LTBP1: variants seen among roughly 807,000 people sequenced by gnomAD.
LTBP1 encodes the protein latent transforming growth factor beta binding protein 1, also known as latent-transforming growth factor beta-binding protein 1.
Under a neutral mutation model 207.6 loss-of-function variants are expected in LTBP1, and 129 were observed. The ratio of observed to expected loss-of-function variants is 0.62; its 90% CI spans 0.54 to 0.72. The LOEUF (loss-of-function observed/expected upper bound fraction) is 0.72. Ranked by LOEUF, LTBP1 falls within the 30% of genes least tolerant of loss-of-function variation. The probability of loss-of-function intolerance (pLI) is 0.00; values close to 1 mark genes in which losing one functional copy is unlikely to be tolerated. For missense variants in LTBP1, 2,281 were observed against 2,217.2 expected (o/e 1.03, Z -0.58); for synonymous variants, 963 against 833.7 (o/e 1.16, Z -2.67).
At chr2:33,118,936 A>C (rs544873429) in intron 4 of LTBP1, among the ~76,000 whole-genome samples, 2 of 152,212 alleles carry the variant, frequency 1.3e-5, no homozygotes, top group African/African-American at 2.4e-5. Context: ...AAATATTTCC[A>C]AGAAACTTAC....
chr2:33,244,955 T>G (rs2092459692), intron 10 of LTBP1, among the ~76,000 whole-genome samples: 1 of 152,204 alleles, frequency 6.6e-6, no homozygotes, highest in Admixed American at 6.5e-5. Context: ...CTCCACTCAT[T>G]GCAACCTCTG....
Position 32,947,647 on chromosome 2 carries a change from C to A in LTBP1, c.323C>A (p.Pro108His). 1 of 1,398,966 alleles carries A rather than the reference C, an allele frequency of 7.1e-7. No homozygotes were observed. The highest frequency in any genetic ancestry group is 1.6e-5 in the South Asian group (1 of 62,774). The allele number at this position is 1,398,966 out of a possible 1,614,324, so 86.7% of individuals were successfully genotyped here. A position where few individuals can be genotyped will look rare whatever the true frequency, so the allele number is the denominator to read the frequency against. The change falls in exon 1 of 34, where the codon CCT becomes CAT. Residue 108 changes from proline to histidine, a missense_variant. Coordinates refer to ENST00000404816, the MANE Select transcript of LTBP1 (RefSeq NM_206943.4). ...CCGCCGCCGCCGCCGCCGCCGGAGCCTGCGCGTCCCGCGGTCCCCGGCGGG... is the reference window on the plus strand; with the variant it reads ...CCGCCGCCGCCGCCGCCGCCGGAGCATGCGCGTCCCGCGGTCCCCGGCGGG... ...LRPPPPPPPEPARPAVPGGQL... is the reference protein window; with the variant it reads ...LRPPPPPPPEHARPAVPGGQL...
rs2093398900 is a variant in LTBP1 at position 33,275,100 on chromosome 2, G to A, written c.2869+10G>A. On this transcript the variant is annotated intron_variant, in intron 17 of 33. Transcript: ENST00000404816. ...GGTACTAACTGCATAGGTAATGGCA[G>A]CATTCTTCCTGCTTACAAATTCTTA... 2.5e-6 allele frequency: 4 copies of A among 1,613,276 alleles called. No individual in the cohort carries two copies. The highest frequency in any genetic ancestry group is 1.7e-5 in the Admixed American group (1 of 59,978).
At chr2:33,304,853 G>T (rs1408636715) in intron 22 of LTBP1, among the ~76,000 whole-genome samples, 1 of 152,204 alleles carries the variant, frequency 6.6e-6, no homozygotes, top group Non-Finnish European at 1.5e-5. Flanking sequence ...AGGTGGGATA[G>T]TATTTCTTTC....
intron 3 of LTBP1, chr2:33,061,561 T>G (rs2077271674): frequency 6.6e-6 from 1 of 152,204 alleles, no homozygotes; most frequent in Non-Finnish European, 1.5e-5. Context: ...GATTATACAA[T>G]GTGTACCCTT....
intron 3 of LTBP1, among the ~76,000 whole-genome samples, chr2:33,055,563 A>G (rs576779508): frequency 6.6e-6 from 1 of 152,276 alleles, no homozygotes; most frequent in Admixed American, 6.5e-5. Flanking sequence ...CATTTACTTG[A>G]CTAAGATACC....
chr2:33,015,798 C>T (rs1382296347), intron 2 of LTBP1, among the ~76,000 whole-genome samples: 1 of 152,154 alleles, frequency 6.6e-6, no homozygotes, highest in Non-Finnish European at 1.5e-5. Flanking sequence ...CCAATCATGG[C>T]ATGAGGCAAA....
At chr2:33,161,358 C>T (rs2084454058) in intron 5 of LTBP1, among the ~76,000 whole-genome samples, 2 of 151,410 alleles carry the variant, frequency 1.3e-5, no homozygotes, top group South Asian at 4.2e-4. Flanking sequence ...ACCTCCACCT[C>T]CCAGGTTCAA....
At chr2:33,252,474 C>CT (rs1401944211) in intron 10 of LTBP1, among the ~76,000 whole-genome samples, 1 of 152,190 alleles carries the variant, frequency 6.6e-6, no homozygotes, top group Non-Finnish European at 1.5e-5. Flanking sequence ...GGGACAATCA[C>CT]TGTCACGACT....
intron 27 of LTBP1, 144 bp downstream of exon 27, chr2:33,360,923 T>C: frequency 1.6e-6 from 1 of 617,780 alleles, no homozygotes; most frequent in Non-Finnish European, 2.8e-6. Context: ...AGCCAGCACC[T>C]GCATCCCATC....
Position 32,947,099 on chromosome 2 carries a change from C to G in LTBP1, c.-226C>G, listed in dbSNP as rs1676288765. On this transcript the variant is annotated 5_prime_UTR_variant, in exon 1 of 34. Transcript: ENST00000404816. ...CTCCCCGCTCCCCGGGCTCCGCGCT[C>G]CCCACCCCCACGCCCTCCTCCTGCT... The G allele has an allele frequency of 3.0e-6, 1 of 331,012 alleles. No individual in the cohort carries two copies. The highest frequency in any genetic ancestry group is 5.4e-6 in the Non-Finnish European group (1 of 183,924). The allele number at this position is 331,012 out of a possible 1,614,324, so 20.5% of individuals were successfully genotyped here.
chr2:33,307,096 C>CAA (rs1384658496), intron 22 of LTBP1, among the ~76,000 whole-genome samples: 1 of 151,950 alleles, frequency 6.6e-6, no homozygotes, highest in Non-Finnish European at 1.5e-5. Context: ...AAAAACAAAA[C>CAA]AAAACATAAC....
At chr2:33,275,962 T>C (rs2093418253) in intron 18 of LTBP1, 39 bp downstream of exon 18, 2 of 1,528,568 alleles carry the variant, frequency 1.3e-6, no homozygotes, top group East Asian at 4.7e-5. Flanking sequence ...ATGACGGTGA[T>C]GTGCAGGGTT....
intron 31 of LTBP1, among the ~76,000 whole-genome samples, chr2:33,380,982 A>G (rs2095207302): frequency 6.6e-6 from 1 of 152,240 alleles, no homozygotes; most frequent in South Asian, 2.1e-4. Flanking sequence ...AAAGAGCAGG[A>G]AAGGGGAAAT....
rs770167009 is a variant in LTBP1, at chr2:33,342,825, G to T, written c.3731-13G>T. The T allele has an allele frequency of 4.3e-6, 7 of 1,612,300 alleles. No individual in the cohort carries two copies. In the East Asian group the frequency reaches 1.6e-4, roughly 36 times the overall value. On this transcript the variant is annotated splice_polypyrimidine_tract_variant and intron_variant, in intron 24 of 33. Coordinates refer to ENST00000404816, the MANE Select transcript of LTBP1 (RefSeq NM_206943.4). The stretch of plus-strand genomic sequence containing the variant: ...GTTTGTTTTGTGTCTGATGTTCCAT[G>T]TCTTTTTTGCAGATATTGATGAATG...
chr2:33,121,159 C>CTTTTTTTTTTT (rs61065486), intron 4 of LTBP1, among the ~76,000 whole-genome samples: 115 of 87,550 alleles, frequency 1.3e-3, no homozygotes, highest in African/African-American at 2.1e-3. Context: ...TTTGTAAAGT[C>CTTTTTTTTTTT]TTTTTTTTTT....
At chr2:33,329,779 A>G (rs2094473302) in intron 24 of LTBP1, among the ~76,000 whole-genome samples, 1 of 152,074 alleles carries the variant, frequency 6.6e-6, no homozygotes, top group African/African-American at 2.4e-5. Flanking sequence ...TCCTAGTTAC[A>G]GTAGCTTTAT....
At chr2:33,025,050 A>G (rs1405998432) in intron 3 of LTBP1, among the ~76,000 whole-genome samples, 1 of 152,204 alleles carries the variant, frequency 6.6e-6, no homozygotes, top group Non-Finnish European at 1.5e-5. Context: ...TCTGTAGAGC[A>G]GCCTGAGTGT....
At chr2:33,084,097 A>C (rs1277840080) in intron 3 of LTBP1, among the ~76,000 whole-genome samples, 2 of 152,200 alleles carry the variant, frequency 1.3e-5, no homozygotes. Flanking sequence ...GGTAAGCTGC[A>C]GATCTCTAAG....
Sources: gnomAD v4.1 joint callset for allele counts (sites outside exome capture counted in the v4.1 genomes callset) on GRCh38, gnomAD v4.1.1 for gene constraint, MANE v1.5 for transcripts, NCBI Gene and HGNC (gene_info 2026-07-23, HGNC 2026-07-21) for gene names.